Variants in MET observed in about 807,000 individuals in gnomAD.
The protein encoded by MET is hepatocyte growth factor receptor.
Under a neutral mutation model 133.1 loss-of-function variants are expected in MET, and 48 were observed. The observed-to-expected ratio is 0.36, with a 90% CI of 0.29 to 0.46. The LOEUF (loss-of-function observed/expected upper bound fraction) is 0.46, where lower values mean the gene tolerates loss of function less well. Among genes scored for constraint, MET ranks in the 20% least tolerant of loss-of-function variants. The pLI is 1.00. For missense variants in MET, 1,442 were observed against 1,695.9 expected (o/e 0.85, Z 2.63); for synonymous variants, 628 against 616.5 (o/e 1.02, Z -0.28).
chr7:116,720,733 A>T (rs1792450555), intron 2 of MET, among the ~76,000 whole-genome samples: 1 of 136,024 alleles, frequency 7.4e-6, no homozygotes, highest in Non-Finnish European at 1.6e-5. Flanking sequence ...TTCTGCATCT[A>T]TTGAGATAAT....
intron 5 of MET, among the ~76,000 whole-genome samples, chr7:116,741,404 C>T (rs1330456407): frequency 6.6e-6 from 1 of 152,244 alleles, no homozygotes; most frequent in Non-Finnish European, 1.5e-5. Flanking sequence ...GACTCACCCA[C>T]TCTCTGATTC....
At chr7:116,754,637 T>C (rs1794054042) in intron 5 of MET, among the ~76,000 whole-genome samples, 3 of 150,592 alleles carry the variant, frequency 2.0e-5, no homozygotes, top group Admixed American at 1.3e-4. Context: ...CTGGGCAACG[T>C]AGTGAGACCC....
chr7:116,677,889 G>C (rs1036311216), intron 1 of MET, among the ~76,000 whole-genome samples: 3 of 152,104 alleles, frequency 2.0e-5, no homozygotes, highest in Admixed American at 1.3e-4. Context: ...TCTGAAACCT[G>C]AATCCATCAT....
At chr7:116,734,861 G>A (rs1320468925) in intron 3 of MET, among the ~76,000 whole-genome samples, 1 of 152,182 alleles carries the variant, frequency 6.6e-6, no homozygotes, top group African/African-American at 2.4e-5. Flanking sequence ...GAAGATCACA[G>A]GACTAATCAC....
rs1554378434 is a variant in MET at position 116,699,430 on chromosome 7, A to G, written c.346A>G (p.Ile116Val). ...ATCAGGAGGTGTTTGGAAAGATAAC[A>G]TCAACATGGCTCTAGTTGTCGACAC... ...NLSGGVWKDN[I>V]NMALVVDTYY... The change falls in exon 2 of 21, where the codon ATC becomes GTC. Residue 116 changes from isoleucine (I) to valine (V), a missense_variant. Transcript: ENST00000397752. 2.5e-6 allele frequency: 4 copies of G among 1,614,086 alleles called. No homozygotes were observed. Among genetic ancestry groups the G allele is most frequent in the Non-Finnish European group, 3.4e-6 (4 of 1,179,962 alleles).
chr7:116,733,174 T>C (rs1793084586), intron 3 of MET, among the ~76,000 whole-genome samples: 2 of 152,126 alleles, frequency 1.3e-5, no homozygotes, highest in South Asian at 4.2e-4. Flanking sequence ...AATATGCTCA[T>C]ATCTATTATG....
chr7:116,704,656 AG>A (rs371592074), intron 2 of MET, among the ~76,000 whole-genome samples: 43 of 152,176 alleles, frequency 2.8e-4, no homozygotes, highest in African/African-American at 9.9e-4. Context: ...GTTCCAAAAA[AG>A]AGATGGGGTG....
At chr7:116,758,380 C>T in intron 8 of MET, 79 bp from the exon 9 acceptor site, 2 of 1,431,342 alleles carry the variant, frequency 1.4e-6, no homozygotes, top group South Asian at 2.3e-5. Context: ...GAGTTATATC[C>T]TTTTGATTTG....
chr7:116,754,994 A>AAGAAAGAAAG lies in MET; in HGVS notation c.1702-359_1702-350dup, dbSNP rs1441538198. Among the ~76,000 whole-genome samples the AAGAAAGAAAG allele has an allele frequency of 2.8e-3, 407 of 146,550 alleles. 13 individuals carry two copies. The highest frequency in any genetic ancestry group is 0.026 in the Admixed American group (376 of 14,642). ...AGGAAGCAGAGAAAGGAAAGAAAGA[A>AAGAAAGAAAG]AGAAAGAAAGAAAGAAAGAAAGAAA... On this transcript the variant is annotated intron_variant, in intron 5 of 20. Transcript: ENST00000397752.
chr7:116,708,515 A>AT, intron 2 of MET, among the ~76,000 whole-genome samples: 1 of 152,144 alleles, frequency 6.6e-6, no homozygotes, highest in Non-Finnish European at 1.5e-5. Context: ...TTTTTAAAAC[A>AT]TTTCCTGCCT....
At chr7:116,696,599 C>T (rs1228066468) in intron 1 of MET, among the ~76,000 whole-genome samples, 1 of 152,202 alleles carries the variant, frequency 6.6e-6, no homozygotes, top group South Asian at 2.1e-4. Context: ...GCCTCACTGA[C>T]CTTAACCTTC....
intron 3 of MET, among the ~76,000 whole-genome samples, chr7:116,732,315 C>A (rs1471888493): frequency 6.6e-6 from 1 of 152,098 alleles, no homozygotes; most frequent in Admixed American, 6.6e-5. Flanking sequence ...TCATCAAAAT[C>A]CCATTGTAAC....
chr7:116,779,362 C>T (rs1417771839), intron 17 of MET, among the ~76,000 whole-genome samples: 3 of 152,156 alleles, frequency 2.0e-5, no homozygotes, highest in Admixed American at 1.3e-4. Flanking sequence ...TTGTCCTTGC[C>T]ATCCACTCTC....
chr7:116,731,881 C>A (rs1247049705), intron 3 of MET, 22 bp downstream of exon 3: 1 of 1,610,526 alleles, frequency 6.2e-7, no homozygotes, highest in Admixed American at 1.7e-5. Context: ...CTGAGAGTAG[C>A]TGTGTCTGTT....
intron 2 of MET, among the ~76,000 whole-genome samples, chr7:116,704,326 C>A (rs576081949): frequency 2.6e-5 from 4 of 152,002 alleles, no homozygotes; most frequent in African/African-American, 9.7e-5. Context: ...TGAACCCCAC[C>A]GTCTTCTACC....
intron 10 of MET, among the ~76,000 whole-genome samples, chr7:116,760,576 G>A (rs1456415035): frequency 6.6e-6 from 1 of 152,074 alleles, no homozygotes; most frequent in African/African-American, 2.4e-5. Context: ...GGTCTTGATT[G>A]GTCAGGTGAT....
chr7:116,704,602 C>T (rs564415838), intron 2 of MET, among the ~76,000 whole-genome samples: 22 of 151,976 alleles, frequency 1.4e-4, no homozygotes, highest in Non-Finnish European at 3.2e-4. Context: ...TGACCTACCT[C>T]CATAATGGTT....
At position 116,763,122 on chromosome 7, in the gene MET, C is replaced by A. The variant is rs745345346; in HGVS notation, c.2437C>A (p.Leu813Ile). Residue 813 changes from leucine to isoleucine, a missense_variant, in exon 11 of 21, where the codon CTC becomes ATC. Coordinates refer to ENST00000397752, the MANE Select transcript of MET (RefSeq NM_000245.4). ...TPSLQQLNLQ[L>I]PLKTKAFFML... ...TTCCCTGCAACAGCTGAATCTGCAA[C>A]TCCCCCTGAAAACCAAAGCCTTTTT... The A allele has an allele frequency of 5.0e-6, 8 of 1,614,052 alleles. No homozygotes were observed. Among genetic ancestry groups the A allele is most frequent in the Non-Finnish European group, 6.8e-6 (8 of 1,179,974 alleles).
rs1792228131 is a variant in MET, at chr7:116,716,483, AAGAAAGAAAGAAAG to A, written c.1201-15183_1201-15170del. ...AGAAAGAAAGAGAAAGAAAGAAAGA[AAGAAAGAAAGAAAG>A]AAAGAAAGAAAGAAAGAAAGAAAGA... On this transcript the variant is annotated intron_variant, in intron 2 of 20. Transcript: ENST00000397752. Among the ~76,000 whole-genome samples, 4 of 129,362 alleles carry A rather than the reference AAGAAAGAAAGAAAG, an allele frequency of 3.1e-5. No individual in the cohort carries two copies. The South Asian group carries it at 7.3e-4, about 24-fold the overall frequency. The allele number at this position is 129,362 out of a possible 152,430, so 84.9% of individuals were successfully genotyped here.
Sources: allele counts gnomAD v4.1 joint callset (sites outside exome capture counted in the v4.1 genomes callset), GRCh38; gene constraint gnomAD v4.1.1; transcripts MANE v1.5; gene names NCBI Gene and HGNC (gene_info 2026-07-23, HGNC 2026-07-21).